ZDHHC17: variants seen among roughly 807,000 people sequenced by gnomAD.
ZDHHC17 encodes the protein palmitoyltransferase ZDHHC17.
ZDHHC17 carries 40 observed loss-of-function variants against 90.3 expected under a neutral mutation model. The ratio of observed to expected loss-of-function variants is 0.44; its 90% CI spans 0.34 to 0.58. ZDHHC17 has a LOEUF of 0.58. Ranked by LOEUF, ZDHHC17 falls within the 20% of genes least tolerant of loss-of-function variation. ZDHHC17 has a pLI of 0.01. For synonymous variants in ZDHHC17, 235 were observed against 252.4 expected (o/e 0.93, Z 0.65); for missense variants, 614 against 780.8 (o/e 0.79, Z 2.55).
intron 9 of ZDHHC17, 145 bp from the exon 10 acceptor site, chr12:76,828,245 A>G (rs907179120): frequency 5.2e-6 from 3 of 571,904 alleles, no homozygotes; most frequent in African/African-American, 3.9e-5. Flanking sequence ...TTTATTGATT[A>G]CTATGAAAAA....
rs1238475976 is a variant in ZDHHC17, at chr12:76,852,651, G to A, written c.*1666G>A. On this transcript the variant is annotated 3_prime_UTR_variant, in exon 17 of 17. Transcript: ENST00000426126. ...TAAGAGGAGCAGTGAAATGTATATA[G>A]TTGATGTTCAGTATTTCCAAGTACC... 2 of 152,480 alleles carry A rather than the reference G, an allele frequency of 1.3e-5. No individual in the cohort carries two copies. Among genetic ancestry groups the A allele is most frequent in the African/African-American group, 2.4e-5 (1 of 41,410 alleles). The allele number at this position is 152,480 out of a possible 1,614,324, so 9.4% of individuals were successfully genotyped here.
intron 13 of ZDHHC17, 82 bp from the exon 14 acceptor site, chr12:76,846,514 C>A: frequency 9.9e-7 from 1 of 1,005,448 alleles, no homozygotes; most frequent in Non-Finnish European, 1.5e-6. Flanking sequence ...TGTAGCACAC[C>A]TTTCATGGCA....
At chr12:76,764,878 A>G (rs1436908704) in intron 1 of ZDHHC17, 8 of 455,608 alleles carry the variant, frequency 1.8e-5, no homozygotes. Context: ...TTTGTCCTTA[A>G]GCGATTAAGA....
chr12:76,849,245 A>C, intron 15 of ZDHHC17, 131 bp from the exon 16 acceptor site: 1 of 453,608 alleles, frequency 2.2e-6, no homozygotes, highest in East Asian at 3.9e-5. Flanking sequence ...CGGGGGTGGA[A>C]TCACTTGAGC....
intron 15 of ZDHHC17, among the ~76,000 whole-genome samples, chr12:76,849,127 A>C (rs1159866012): frequency 2.7e-5 from 4 of 147,344 alleles, no homozygotes; most frequent in African/African-American, 1.0e-4. Flanking sequence ...CTAAAAAAAA[A>C]AAAAAAAAAA....
intron 1 of ZDHHC17, among the ~76,000 whole-genome samples, chr12:76,796,315 A>G (rs556686568): frequency 8.5e-5 from 13 of 152,290 alleles, no homozygotes; most frequent in Admixed American, 3.3e-4. Flanking sequence ...AGCATTTTCA[A>G]CAGATGTTAT....
chr12:76,772,730 A>G (rs1233460141), intron 1 of ZDHHC17, among the ~76,000 whole-genome samples: 1 of 138,778 alleles, frequency 7.2e-6, no homozygotes, highest in African/African-American at 2.7e-5. Context: ...TTTTTTTAGT[A>G]GAGACAGGGT....
chr12:76,805,412 C>G lies in ZDHHC17; in HGVS notation c.293C>G (p.Ala98Gly). The part of the protein sequence containing the change: ...KENVTLLHWA[A>G]INNRIDLVKY... ...AATGTTACCCTCCTCCATTGGGCTGCCATCAATAACAGAATAGATTTAGTC... is the reference window on the plus strand; with the variant it reads ...AATGTTACCCTCCTCCATTGGGCTGGCATCAATAACAGAATAGATTTAGTC... The change falls in exon 3 of 17, where the codon GCC becomes GGC. Residue 98 changes from alanine to glycine, a missense_variant. Transcript: ENST00000426126. 1 of 1,592,602 alleles carries G rather than the reference C, an allele frequency of 6.3e-7. No individual in the cohort carries two copies.
intron 7 of ZDHHC17, among the ~76,000 whole-genome samples, chr12:76,817,879 C>T (rs960813330): frequency 2.0e-5 from 3 of 151,874 alleles, no homozygotes; most frequent in African/African-American, 7.2e-5. Context: ...TATTTGGTGC[C>T]AAGAAACAAT....
intron 1 of ZDHHC17, among the ~76,000 whole-genome samples, chr12:76,796,258 C>T (rs1006235569): frequency 1.3e-5 from 2 of 151,922 alleles, no homozygotes; most frequent in Middle Eastern, 3.2e-3. Context: ...ATGATTTATC[C>T]TTTTATTTAT....
intron 7 of ZDHHC17, 43 bp downstream of exon 7, chr12:76,816,062 A>G: frequency 1.5e-6 from 2 of 1,368,988 alleles, no homozygotes; most frequent in East Asian, 2.8e-5. Context: ...AAATGTGGCT[A>G]ATATGTGAAT....
chr12:76,781,120 C>T (rs1008592754), intron 1 of ZDHHC17, among the ~76,000 whole-genome samples: 6 of 116,720 alleles, frequency 5.1e-5, no homozygotes, highest in Non-Finnish European at 9.7e-5. Flanking sequence ...GGCGACAAAG[C>T]GAGACTCCGT....
At chr12:76,795,319 G>A (rs1045176184) in intron 1 of ZDHHC17, among the ~76,000 whole-genome samples, 2 of 151,884 alleles carry the variant, frequency 1.3e-5, no homozygotes, top group South Asian at 2.1e-4. Context: ...TGATTACTGC[G>A]TTTTTTGACA....
chr12:76,788,688 A>ATTTTTTT lies in ZDHHC17; in HGVS notation c.94-8726_94-8720dup, dbSNP rs763269507. On this transcript the variant is annotated intron_variant, in intron 1 of 16. Transcript: ENST00000426126. ...AAAATATATTTAAGTTGGAATCGCA[A>ATTTTTTT]TTTTTTTTTTTTTTTTTTTTTTTTT... Among the ~76,000 whole-genome samples the ATTTTTTT allele has an allele frequency of 1.2e-4, 12 of 98,648 alleles. 2 individuals are homozygous for ATTTTTTT. Among genetic ancestry groups the ATTTTTTT allele is most frequent in the African/African-American group, 2.0e-4 (5 of 25,098 alleles). 64.7% of individuals were successfully genotyped at this position (98,648 alleles called of 152,430 possible). A position where few individuals can be genotyped will look rare whatever the true frequency, so the allele number is the denominator to read the frequency against.
In ZDHHC17 at chr12:76,817,749, A is replaced by G. The variant is rs367772607; in HGVS notation, c.771+1730A>G. ...TAAACTTTTAAATTACTCTTAGTAA[A>G]AGGAATAATCTACAGCAAATTTCAA... On this transcript the variant is annotated intron_variant, in intron 7 of 16. Coordinates refer to ENST00000426126, the MANE Select transcript of ZDHHC17 (RefSeq NM_015336.4). 1.1e-4 allele frequency among the ~76,000 whole-genome samples: 17 copies of G among 152,176 alleles called. No individual in the cohort carries two copies. The East Asian group carries it at 3.3e-3, about 29-fold the overall frequency.
At chr12:76,842,222 T>C in intron 11 of ZDHHC17, 116 bp downstream of exon 11, 1 of 1,117,624 alleles carries the variant, frequency 8.9e-7, no homozygotes, top group Non-Finnish European at 1.2e-6. Context: ...AGTTTTAAGC[T>C]AAATTGAGAT....
intron 1 of ZDHHC17, among the ~76,000 whole-genome samples, chr12:76,785,471 TA>T (rs1952673725): frequency 6.6e-6 from 1 of 152,224 alleles, no homozygotes; most frequent in Non-Finnish European, 1.5e-5. Context: ...ATCATAAAGT[TA>T]AAAATTATAA....
chr12:76,848,802 T>C (rs781186039), intron 15 of ZDHHC17, among the ~76,000 whole-genome samples: 73 of 152,200 alleles, frequency 4.8e-4, no homozygotes, highest in Non-Finnish European at 6.3e-4. Flanking sequence ...CGCCTGTCCA[T>C]GCACAGTGTC....
At chr12:76,836,763 G>C (rs74980687) in intron 10 of ZDHHC17, among the ~76,000 whole-genome samples, 10 of 152,024 alleles carry the variant, frequency 6.6e-5, no homozygotes, top group Non-Finnish European at 1.3e-4. Flanking sequence ...TTTATTGAGC[G>C]ACCTATGGTA....
Sources: allele counts gnomAD v4.1 joint callset (sites outside exome capture counted in the v4.1 genomes callset), GRCh38; gene constraint gnomAD v4.1.1; transcripts MANE v1.5; gene names NCBI Gene and HGNC (gene_info 2026-07-23, HGNC 2026-07-21).